Variants in SGCZ observed in about 807,000 individuals in gnomAD.
The protein encoded by SGCZ is zeta-sarcoglycan.
SGCZ carries 40 observed loss-of-function variants against 41.3 expected under a neutral mutation model. That is an observed-to-expected ratio of 0.97 (90% CI 0.75 to 1.26). The LOEUF (loss-of-function observed/expected upper bound fraction) is 1.26. Ranked by LOEUF, SGCZ falls within the 50% of genes most tolerant of loss-of-function variation. The probability of loss-of-function intolerance (pLI) is 0.00; values close to 1 mark genes in which losing one functional copy is unlikely to be tolerated. For synonymous variants in SGCZ, 206 were observed against 137.5 expected (o/e 1.50, Z -3.49); for missense variants, 552 against 369.8 (o/e 1.49, Z -4.04).
chr8:14,350,122 C>T (rs772250712), intron 2 of SGCZ, among the ~76,000 whole-genome samples: 3 of 151,658 alleles, frequency 2.0e-5, no homozygotes, highest in African/African-American at 4.9e-5. Context: ...GGAAGGTGAA[C>T]GATAGAGAAA....
chr8:14,537,997 A>T (rs1181922975), intron 2 of SGCZ, among the ~76,000 whole-genome samples: 2 of 151,854 alleles, frequency 1.3e-5, no homozygotes, highest in Non-Finnish European at 2.9e-5. Flanking sequence ...TGATTGCTGT[A>T]CTCTCCATTC....
At chr8:15,223,805 T>C (rs928224106) in intron 1 of SGCZ, among the ~76,000 whole-genome samples, 1 of 152,148 alleles carries the variant, frequency 6.6e-6, no homozygotes, top group Non-Finnish European at 1.5e-5. Flanking sequence ...AGAAAAAGTA[T>C]AGCAAAATCA....
At chr8:14,925,048 G>A (rs914371390) in intron 1 of SGCZ, among the ~76,000 whole-genome samples, 9 of 151,942 alleles carry the variant, frequency 5.9e-5, no homozygotes, top group African/African-American at 2.2e-4. Context: ...AGTAGAGCCA[G>A]GGTTTCACCG....
intron 4 of SGCZ, among the ~76,000 whole-genome samples, chr8:14,207,127 A>G (rs964136137): frequency 1.3e-5 from 2 of 152,270 alleles, no homozygotes; most frequent in African/African-American, 2.4e-5. Context: ...ATTTTTCAAG[A>G]AAGGGTAGAG....
intron 1 of SGCZ, among the ~76,000 whole-genome samples, chr8:14,946,005 C>CATGT (rs1800429833): frequency 6.7e-5 from 1 of 14,870 alleles, no homozygotes; most frequent in African/African-American, 2.3e-4. Context: ...TAAATGTCCC[C>CATGT]ATATATATAT....
At chr8:14,494,105 T>C (rs1443605150) in intron 2 of SGCZ, among the ~76,000 whole-genome samples, 1 of 152,018 alleles carries the variant, frequency 6.6e-6, no homozygotes, top group East Asian at 1.9e-4. Flanking sequence ...ATGGACAGAG[T>C]TTCTTGCTTC....
intron 1 of SGCZ, among the ~76,000 whole-genome samples, chr8:14,988,153 T>C (rs1310320950): frequency 6.6e-6 from 1 of 151,962 alleles, no homozygotes; most frequent in Non-Finnish European, 1.5e-5. Context: ...TACATCTCAT[T>C]CTTTAGAAAA....
At chr8:14,370,075 G>A (rs535549296) in intron 2 of SGCZ, among the ~76,000 whole-genome samples, 1 of 151,950 alleles carries the variant, frequency 6.6e-6, no homozygotes, top group African/African-American at 2.4e-5. Flanking sequence ...TTATTATGCT[G>A]GAGCTCTGTG....
intron 4 of SGCZ, among the ~76,000 whole-genome samples, chr8:14,237,224 C>G (rs1283488174): frequency 6.6e-6 from 1 of 152,014 alleles, no homozygotes; most frequent in African/African-American, 2.4e-5. Context: ...GTAATTCAAT[C>G]TCAAAATAAT....
intron 4 of SGCZ, among the ~76,000 whole-genome samples, chr8:14,168,487 A>G (rs1804275180): frequency 6.6e-6 from 1 of 152,080 alleles, no homozygotes; most frequent in Non-Finnish European, 1.5e-5. Context: ...CATGAGTGTG[A>G]ATAAGTCTCA....
At chr8:14,581,244 G>A (rs999180237) in intron 1 of SGCZ, among the ~76,000 whole-genome samples, 3 of 151,948 alleles carry the variant, frequency 2.0e-5, no homozygotes, top group Non-Finnish European at 2.9e-5. Flanking sequence ...GACTAGCTGG[G>A]ATTACAAGCA....
At chr8:14,687,723 C>G (rs1286682224) in intron 1 of SGCZ, among the ~76,000 whole-genome samples, 1 of 151,406 alleles carries the variant, frequency 6.6e-6, no homozygotes, top group Non-Finnish European at 1.5e-5. Flanking sequence ...AATGAGATGG[C>G]TGGGTCAAAT....
chr8:14,408,601 T>C (rs1444274397), intron 2 of SGCZ, among the ~76,000 whole-genome samples: 2 of 152,176 alleles, frequency 1.3e-5, no homozygotes, highest in African/African-American at 2.4e-5. Context: ...TAAATCAGTT[T>C]ATATCACACC....
At chr8:14,754,834 G>C (rs1799607525) in intron 1 of SGCZ, among the ~76,000 whole-genome samples, 1 of 152,134 alleles carries the variant, frequency 6.6e-6, no homozygotes, top group Admixed American at 6.5e-5. Context: ...AGGTGGGACT[G>C]AAGGCAAGTC....
chr8:14,369,472 C>T (rs1241417381), intron 2 of SGCZ, among the ~76,000 whole-genome samples: 1 of 151,942 alleles, frequency 6.6e-6, no homozygotes, highest in Non-Finnish European at 1.5e-5. Flanking sequence ...GCTAGAGGCA[C>T]TCAATGGCAG....
At chr8:14,174,968 T>C (rs567560497) in intron 4 of SGCZ, among the ~76,000 whole-genome samples, 10 of 152,272 alleles carry the variant, frequency 6.6e-5, no homozygotes, top group Middle Eastern at 3.4e-3. Flanking sequence ...AGGGGTCATA[T>C]TGTATGGTCC....
chr8:14,831,378 C>A (rs1212937984), intron 1 of SGCZ, among the ~76,000 whole-genome samples: 1 of 152,080 alleles, frequency 6.6e-6, no homozygotes, highest in African/African-American at 2.4e-5. Flanking sequence ...ACAAGATAAT[C>A]TATGTGTTAT....
intron 1 of SGCZ, among the ~76,000 whole-genome samples, chr8:14,918,807 T>TA (rs1410780662): frequency 6.6e-6 from 1 of 152,182 alleles, no homozygotes; most frequent in African/African-American, 2.4e-5. Flanking sequence ...CTAAGAACAG[T>TA]AGTGCAGACC....
intron 2 of SGCZ, among the ~76,000 whole-genome samples, chr8:14,524,879 C>T (rs1346795252): frequency 6.6e-6 from 1 of 151,964 alleles, no homozygotes; most frequent in Non-Finnish European, 1.5e-5. Flanking sequence ...TAATATAATT[C>T]TGACATGTTT....
Sources: gnomAD v4.1 joint callset for allele counts (sites outside exome capture counted in the v4.1 genomes callset) on GRCh38, gnomAD v4.1.1 for gene constraint, MANE v1.5 for transcripts, NCBI Gene and HGNC (gene_info 2026-07-23, HGNC 2026-07-21) for gene names.